Variants in KDSR observed in about 807,000 individuals in gnomAD.
KDSR encodes the protein 3-ketodihydrosphingosine reductase.
In KDSR, 23 loss-of-function variants were observed where a neutral mutation model predicts 41.3. The observed-to-expected ratio is 0.56, with a 90% CI of 0.40 to 0.79. The LOEUF (loss-of-function observed/expected upper bound fraction) is 0.79. Among genes scored for constraint, KDSR ranks in the 30% least tolerant of loss-of-function variants. KDSR has a pLI of 0.00. For missense variants in KDSR, 351 were observed against 416.8 expected (o/e 0.84, Z 1.37); for synonymous variants, 138 against 151.7 (o/e 0.91, Z 0.66).
At chr18:63,357,884 T>C (rs551779280) in intron 3 of KDSR, among the ~76,000 whole-genome samples, 1 of 152,132 alleles carries the variant, frequency 6.6e-6, no homozygotes, top group Non-Finnish European at 1.5e-5. Context: ...GCCTAAAGAA[T>C]AATATTGAGT....
intron 5 of KDSR, among the ~76,000 whole-genome samples, chr18:63,352,448 G>A (rs1914683258): frequency 6.6e-6 from 1 of 152,104 alleles, no homozygotes; most frequent in Non-Finnish European, 1.5e-5. Context: ...CCAAGTAGCT[G>A]GGATTACAGG....
rs762521878 is a variant in KDSR at position 63,344,438 on chromosome 18, G to A, written c.665C>T (p.Pro222Leu). ...TVAYPPDTDT[P>L]GFAEENRTKP... is the part of the protein sequence containing the mutation. ...TGTTCTGTTTTCTTCGGCAAAGCCAGGTGTGTCTGTGTCTGGTGGGTAAGC... is the reference window on the plus strand; with the variant it reads ...TGTTCTGTTTTCTTCGGCAAAGCCAAGTGTGTCTGTGTCTGGTGGGTAAGC... Residue 222 changes from proline to leucine, a missense_variant, in exon 7 of 10, where the codon CCT (proline) becomes CTT (leucine). Physicochemically the swap from Pro to Leu is moderately conservative, Grantham distance 98. Coordinates refer to ENST00000645214, the MANE Select transcript of KDSR (RefSeq NM_002035.4). 6.2e-7 allele frequency: 1 copy of A among 1,613,880 alleles called. No individual in the cohort carries two copies. Among genetic ancestry groups the A allele is most frequent in the African/African-American group, 1.3e-5 (1 of 74,912 alleles).
intron 3 of KDSR, 170 bp downstream of exon 3, chr18:63,359,566 T>C (rs781473424): frequency 3.6e-6 from 2 of 559,464 alleles, no homozygotes; most frequent in Non-Finnish European, 6.4e-6. Flanking sequence ...TCTATTCATT[T>C]TGCGTGTGTG....
chr18:63,357,547 T>C (rs138812544), intron 3 of KDSR, among the ~76,000 whole-genome samples: 25 of 139,362 alleles, frequency 1.8e-4, no homozygotes, highest in African/African-American at 5.4e-4. Flanking sequence ...TATATACACA[T>C]ATATATACAT....
At chr18:63,346,615 A>C (rs1914509879) in intron 6 of KDSR, 1 of 152,152 alleles carries the variant, frequency 6.6e-6, no homozygotes, top group Admixed American at 6.5e-5. Flanking sequence ...CTTCCTCATG[A>C]GGAAGGAACA....
In KDSR at chr18:63,329,104, A is replaced by T. The variant is rs1913896502; in HGVS notation, c.*2678T>A. On this transcript the variant is annotated 3_prime_UTR_variant, in exon 10 of 10. Transcript: ENST00000645214. ...CAGCAGAAAAACAAGTTGTTCAAGC[A>T]TTGAACCAAAAAATATAAAAAATAG... is the stretch of plus-strand genomic sequence containing the variant. 5.0e-6 allele frequency: 1 copy of T among 198,668 alleles called. No homozygotes were observed. Among genetic ancestry groups the T allele is most frequent in the Non-Finnish European group, 1.0e-5 (1 of 96,120 alleles). The allele number at this position is 198,668 out of a possible 1,614,324, so 12.3% of individuals were successfully genotyped here.
chr18:63,335,433 C>T, intron 8 of KDSR, 75 bp from the exon 9 acceptor site: 1 of 984,168 alleles, frequency 1.0e-6, no homozygotes, highest in East Asian at 2.4e-5. Flanking sequence ...ACATCAGAAA[C>T]AGTGGAGTGT....
At chr18:63,344,719 CT>C in intron 6 of KDSR, 1 of 437,716 alleles carries the variant, frequency 2.3e-6, no homozygotes, top group Non-Finnish European at 4.1e-6. Context: ...ACAGCTGGCC[CT>C]AAAGTATGGC....
At chr18:63,355,465 C>T (rs1914769291) in intron 4 of KDSR, 33 bp downstream of exon 4, 1 of 1,613,452 alleles carries the variant, frequency 6.2e-7, no homozygotes, top group Non-Finnish European at 8.5e-7. Context: ...AAGTCAAGCA[C>T]ATTGGTGAAT....
chr18:63,328,307 A>C lies in KDSR; in HGVS notation c.*3475T>G, dbSNP rs1913867329. The C allele has an allele frequency of 5.6e-6, 1 of 177,880 alleles. No individual in the cohort carries two copies. The highest frequency in any genetic ancestry group is 6.3e-5 in the Admixed American group (1 of 15,826). The allele number at this position is 177,880 out of a possible 1,614,324, so 11.0% of individuals were successfully genotyped here. ...AACAATCTCTCAAAATTTCACTTGC[A>C]ATGATCAATAATATATGGTTTAACA... On this transcript the variant is annotated 3_prime_UTR_variant, in exon 10 of 10. Coordinates refer to ENST00000645214, the MANE Select transcript of KDSR (RefSeq NM_002035.4).
At chr18:63,348,877 G>A (rs1245210739) in intron 6 of KDSR, among the ~76,000 whole-genome samples, 1 of 152,170 alleles carries the variant, frequency 6.6e-6, no homozygotes, top group Non-Finnish European at 1.5e-5. Flanking sequence ...CCAAAGTAAA[G>A]GGCCGGGGCA....
intron 1 of KDSR, among the ~76,000 whole-genome samples, chr18:63,364,219 C>T (rs1481873599): frequency 6.6e-6 from 1 of 152,138 alleles, no homozygotes; most frequent in Non-Finnish European, 1.5e-5. Flanking sequence ...CACACTGACA[C>T]ACTTTTCAGC....
intron 6 of KDSR, among the ~76,000 whole-genome samples, chr18:63,347,684 G>A (rs1014177130): frequency 6.6e-6 from 1 of 151,970 alleles, no homozygotes; most frequent in African/African-American, 2.4e-5. Context: ...TGGGAGGAGA[G>A]GGGCATGATC....
chr18:63,354,484 G>A (rs772397806), intron 5 of KDSR, among the ~76,000 whole-genome samples: 1 of 152,064 alleles, frequency 6.6e-6, no homozygotes. Context: ...CCGGGCCAAC[G>A]TGGCGTAAAC....
In KDSR at chr18:63,330,766, A is replaced by C. The variant is rs1439340681; in HGVS notation, c.*1016T>G. On this transcript the variant is annotated 3_prime_UTR_variant, in exon 10 of 10. Coordinates refer to ENST00000645214, the MANE Select transcript of KDSR (RefSeq NM_002035.4). ...TTTGCTTTAATTAATTCATGAGTTA[A>C]GTTAAAAAGTCAAGTCGAAAATTTT... The C allele has an allele frequency of 3.5e-5, 8 of 229,288 alleles. No homozygotes were observed. In the East Asian group the frequency reaches 5.0e-4, roughly 14 times the overall value. The allele number at this position is 229,288 out of a possible 1,614,324, so 14.2% of individuals were successfully genotyped here.
chr18:63,362,541 T>A (rs1407517546), intron 2 of KDSR, among the ~76,000 whole-genome samples: 2 of 152,330 alleles, frequency 1.3e-5, no homozygotes, highest in East Asian at 3.9e-4. Context: ...ATCTGCAGTA[T>A]CTATGATGAT....
At chr18:63,366,255 CA>C (rs1915132282) in intron 1 of KDSR, 1 of 152,340 alleles carries the variant, frequency 6.6e-6, no homozygotes, top group Admixed American at 6.5e-5. Context: ...CACACCTATC[CA>C]CCTCTCCTTC....
chr18:63,351,084 A>G lies in KDSR; in HGVS notation c.418-5T>C. 6.2e-7 allele frequency: 1 copy of G among 1,608,586 alleles called. No homozygotes were observed. Among genetic ancestry groups the G allele is most frequent in the South Asian group, 1.1e-5 (1 of 90,140 alleles). ...GTAATTGATGCTCATTAACCTCTGC[A>G]GGGAACAAAGAGGCCACATGAGGTC... On this transcript the variant is annotated splice_polypyrimidine_tract_variant and splice_region_variant and intron_variant, in intron 5 of 9. Transcript: ENST00000645214.
chr18:63,363,939 G>A (rs957937751), intron 1 of KDSR, among the ~76,000 whole-genome samples: 3 of 152,094 alleles, frequency 2.0e-5, no homozygotes, highest in East Asian at 1.9e-4. Context: ...TGTCTCCTAC[G>A]CAAATGCACC....
Sources: gnomAD v4.1 joint callset for allele counts (sites outside exome capture counted in the v4.1 genomes callset) on GRCh38, gnomAD v4.1.1 for gene constraint, MANE v1.5 for transcripts, NCBI Gene and HGNC (gene_info 2026-07-23, HGNC 2026-07-21) for gene names.